CRADD: variants seen among roughly 807,000 people sequenced by gnomAD.
CRADD encodes the protein death domain-containing protein CRADD.
CRADD carries 9 observed loss-of-function variants against 15.5 expected under a neutral mutation model. The ratio of observed to expected loss-of-function variants is 0.58; its 90% CI spans 0.35 to 1.01. The LOEUF (loss-of-function observed/expected upper bound fraction) is 1.01, where lower values mean the gene tolerates loss of function less well. Ranked by LOEUF, CRADD falls within the 50% of genes least tolerant of loss-of-function variation. The pLI is 0.02. For missense variants in CRADD, 227 were observed against 250.3 expected (o/e 0.91, Z 0.63); for synonymous variants, 118 against 107.6 (o/e 1.10, Z -0.60).
intron 2 of CRADD, among the ~76,000 whole-genome samples, chr12:93,869,170 C>G (rs1028957983): frequency 6.6e-6 from 1 of 152,066 alleles, no homozygotes; most frequent in Non-Finnish European, 1.5e-5. Context: ...AGGATCATAT[C>G]CCAAAACTCA....
intron 2 of CRADD, among the ~76,000 whole-genome samples, chr12:93,791,943 C>T (rs1280592316): frequency 6.9e-5 from 10 of 145,820 alleles, no homozygotes; most frequent in Non-Finnish European, 1.2e-4. Context: ...CCAGACAAGG[C>T]TGTATGGTGG....
intron 2 of CRADD, among the ~76,000 whole-genome samples, chr12:93,736,616 G>T (rs1400178408): frequency 6.6e-6 from 1 of 152,176 alleles, no homozygotes; most frequent in African/African-American, 2.4e-5. Context: ...GTTCCACATT[G>T]ATGTCTTTTA....
chr12:93,677,695 C>T (rs1288329446), intron 1 of CRADD: 1 of 152,252 alleles, frequency 6.6e-6, no homozygotes, highest in Non-Finnish European at 1.5e-5. Context: ...CAGAAACCGC[C>T]CGTAGTCTTC....
intron 2 of CRADD, among the ~76,000 whole-genome samples, chr12:93,866,017 T>A (rs1220912934): frequency 6.6e-6 from 1 of 152,178 alleles, no homozygotes; most frequent in African/African-American, 2.4e-5. Context: ...TTAATGGTCA[T>A]TCTGATTTTT....
At chr12:93,718,289 G>T (rs1442453278) in intron 2 of CRADD, among the ~76,000 whole-genome samples, 1 of 152,206 alleles carries the variant, frequency 6.6e-6, no homozygotes, top group African/African-American at 2.4e-5. Context: ...TTGAGTCCAT[G>T]AACATGGGAT....
At chr12:93,864,210 C>A (rs1341788975) in intron 2 of CRADD, among the ~76,000 whole-genome samples, 1 of 152,108 alleles carries the variant, frequency 6.6e-6, no homozygotes, top group East Asian at 1.9e-4. Flanking sequence ...TGTGTCACCA[C>A]GCCTGGCTCA....
At chr12:93,709,931 A>T (rs557830208) in intron 2 of CRADD, among the ~76,000 whole-genome samples, 6 of 152,344 alleles carry the variant, frequency 3.9e-5, no homozygotes, top group Admixed American at 3.9e-4. Flanking sequence ...ATTCTGTACT[A>T]TACCATTTCT....
chr12:93,776,908 G>A (rs150030322), intron 2 of CRADD, among the ~76,000 whole-genome samples: 1 of 152,268 alleles, frequency 6.6e-6, no homozygotes, highest in African/African-American at 2.4e-5. Context: ...CTCCTGATAC[G>A]TAAAGGGTTT....
chr12:93,830,170 T>C (rs1957877261), intron 2 of CRADD, among the ~76,000 whole-genome samples: 1 of 152,182 alleles, frequency 6.6e-6, no homozygotes, highest in East Asian at 1.9e-4. Context: ...CACCTGAATC[T>C]GCCCCTTCCT....
intron 2 of CRADD, among the ~76,000 whole-genome samples, chr12:93,692,504 C>A (rs958455265): frequency 1.3e-5 from 2 of 152,014 alleles, no homozygotes; most frequent in African/African-American, 4.8e-5. Context: ...ACATATAAGA[C>A]AATTTCAATA....
chr12:93,854,301 A>G (rs557519268), downstream of CRADD, among the ~76,000 whole-genome samples: 260 of 152,294 alleles, frequency 1.7e-3, no homozygotes, highest in Non-Finnish European at 3.3e-3. Flanking sequence ...TTCCTGGGGC[A>G]ATGGGTCGTT....
In CRADD at chr12:93,850,548, G is replaced by C; in HGVS notation, c.*277G>C. 1 of 1,096,848 alleles carries C rather than the reference G, an allele frequency of 9.1e-7. No individual in the cohort carries two copies. The highest frequency in any genetic ancestry group is 1.7e-5 in the African/African-American group (1 of 60,386). The allele number at this position is 1,096,848 out of a possible 1,614,324, so 67.9% of individuals were successfully genotyped here. On this transcript the variant is annotated 3_prime_UTR_variant, in exon 3 of 3. Transcript: ENST00000332896. This position sits in a 1 kb window ranked among gnomAD's most constrained non-coding sequence, Gnocchi z 4.0. ...TTAAATGTGTAATGGCATTTTAATA[G>C]ACTAGTAAATCACAGTGGTTCAAAA...
intron 2 of CRADD, among the ~76,000 whole-genome samples, chr12:93,889,483 C>G (rs1958561210): frequency 6.6e-6 from 1 of 152,154 alleles, no homozygotes; most frequent in African/African-American, 2.4e-5. Context: ...GGCATCTTTT[C>G]TACCAGGCTC....
chr12:93,842,858 G>A (rs187077661), intron 2 of CRADD, among the ~76,000 whole-genome samples: 3 of 152,216 alleles, frequency 2.0e-5, no homozygotes, highest in African/African-American at 4.8e-5. Context: ...TTTCCTTTAA[G>A]TGGATCCTTG....
At chr12:93,843,813 CG>C (rs1565936103) in intron 2 of CRADD, among the ~76,000 whole-genome samples, 1 of 151,928 alleles carries the variant, frequency 6.6e-6, no homozygotes, top group Non-Finnish European at 1.5e-5. Flanking sequence ...CTCTGCCTCC[CG>C]AGTTCAAGTG....
intron 2 of CRADD, among the ~76,000 whole-genome samples, chr12:93,703,418 C>T (rs1373289485): frequency 1.3e-5 from 2 of 149,672 alleles, no homozygotes; most frequent in African/African-American, 4.9e-5. Context: ...AGTGCAGCAG[C>T]GTGATCTTGG....
intron 2 of CRADD, chr12:93,859,501 A>T (rs1385179425): frequency 5.1e-6 from 2 of 389,644 alleles, no homozygotes; most frequent in Non-Finnish European, 1.0e-5. Flanking sequence ...AATGCACTGG[A>T]CAATTAAGGA....
chr12:93,819,641 A>G (rs576531918), intron 2 of CRADD, among the ~76,000 whole-genome samples: 3 of 152,380 alleles, frequency 2.0e-5, no homozygotes, highest in Non-Finnish European at 4.4e-5. Context: ...GTGAGAGGTA[A>G]GCAGGCTAAC....
chr12:93,694,498 A>C (rs1955652839), intron 2 of CRADD, among the ~76,000 whole-genome samples: 1 of 152,180 alleles, frequency 6.6e-6, no homozygotes, highest in Non-Finnish European at 1.5e-5. Flanking sequence ...AAGAAATAAA[A>C]GGTATCTAGA....
Sources: gnomAD v4.1 joint callset for allele counts (sites outside exome capture counted in the v4.1 genomes callset) on GRCh38, gnomAD v4.1.1 for gene constraint, Gnocchi (gnomAD v3.1) non-coding constraint, MANE v1.5 for transcripts, NCBI Gene and HGNC (gene_info 2026-07-23, HGNC 2026-07-21) for gene names.